AGBL4: variants seen among roughly 807,000 people sequenced by gnomAD.
AGBL4 encodes the protein cytosolic carboxypeptidase 6.
AGBL4 carries 58 observed loss-of-function variants against 66.4 expected under a neutral mutation model. The ratio of observed to expected loss-of-function variants is 0.87; its 90% confidence interval spans 0.71 to 1.09. The LOEUF (loss-of-function observed/expected upper bound fraction) is 1.09. Among genes scored for constraint, AGBL4 ranks in the 50% least tolerant of loss-of-function variants. AGBL4 has a pLI of 0.00. For missense variants in AGBL4, 579 were observed against 631.0 expected (o/e 0.92, Z 0.88); for synonymous variants, 234 against 222.9 (o/e 1.05, Z -0.44).
At chr1:49,460,026 G>T (rs1570768261) in intron 3 of AGBL4, among the ~76,000 whole-genome samples, 1 of 151,692 alleles carries the variant, frequency 6.6e-6, no homozygotes, top group Middle Eastern at 3.4e-3. Flanking sequence ...CTTGTTTTGT[G>T]CCCTATCATA....
rs139603253 is a variant in AGBL4 at position 48,735,450 on chromosome 1, G to A, written c.635-72209C>T. 2.0e-4 allele frequency among the ~76,000 whole-genome samples: 30 copies of A among 151,464 alleles called. No homozygotes were observed. The East Asian group carries it at 5.6e-3, about 28-fold the overall frequency. On this transcript the variant is annotated intron_variant, in intron 6 of 13. Transcript: ENST00000371839. ...AGGAGAAAGAAGAGAGGAGGAAGGA[G>A]AGAAAGTAGAGGAAGGAGGAAAGGA...
At chr1:49,615,356 T>C (rs763272493) in intron 3 of AGBL4, among the ~76,000 whole-genome samples, 4 of 152,102 alleles carry the variant, frequency 2.6e-5, no homozygotes, top group Non-Finnish European at 4.4e-5. Flanking sequence ...CAAAATGGTT[T>C]AAAAGAGCAC....
chr1:49,544,338 T>A (rs1652309536), intron 3 of AGBL4, among the ~76,000 whole-genome samples: 1 of 152,192 alleles, frequency 6.6e-6, no homozygotes, highest in South Asian at 2.1e-4. Context: ...TGTCCTTTTG[T>A]TTCCTTATTT....
At chr1:48,833,366 G>A (rs1646599960) in intron 6 of AGBL4, among the ~76,000 whole-genome samples, 1 of 152,178 alleles carries the variant, frequency 6.6e-6, no homozygotes, top group Non-Finnish European at 1.5e-5. Flanking sequence ...TTTGTGAAAG[G>A]TAGAACTTGC....
chr1:49,489,411 C>A (rs1053687163), intron 3 of AGBL4, among the ~76,000 whole-genome samples: 5 of 151,436 alleles, frequency 3.3e-5, no homozygotes, highest in African/African-American at 1.2e-4. Flanking sequence ...GTTGTTTTCC[C>A]TGCTTATATA....
chr1:49,905,516 C>A (rs1338081348), intron 1 of AGBL4, among the ~76,000 whole-genome samples: 5 of 152,190 alleles, frequency 3.3e-5, no homozygotes, highest in Non-Finnish European at 5.9e-5. Flanking sequence ...GAAAGGAAGT[C>A]AGCAGCAGCA....
chr1:49,687,428 C>G (rs912814775), intron 3 of AGBL4, among the ~76,000 whole-genome samples: 3 of 151,922 alleles, frequency 2.0e-5, no homozygotes, highest in African/African-American at 7.3e-5. Context: ...ATTATCAGTC[C>G]CCAGAAACTT....
intron 11 of AGBL4, among the ~76,000 whole-genome samples, chr1:48,560,397 C>T (rs1644379959): frequency 1.3e-5 from 2 of 152,108 alleles, no homozygotes; most frequent in African/African-American, 4.8e-5. Context: ...AATAGGTTGC[C>T]TAGGAGAAGG....
At chr1:48,931,776 T>C (rs779857230) in intron 5 of AGBL4, among the ~76,000 whole-genome samples, 1 of 152,196 alleles carries the variant, frequency 6.6e-6, no homozygotes, top group Non-Finnish European at 1.5e-5. Flanking sequence ...CCTGAAGTGC[T>C]GGGATTACAG....
intron 1 of AGBL4, among the ~76,000 whole-genome samples, chr1:49,985,296 A>T (rs1659409067): frequency 6.6e-6 from 1 of 152,208 alleles, no homozygotes; most frequent in South Asian, 2.1e-4. Context: ...TTAGAAACGA[A>T]TCCAAGAGGA....
intron 4 of AGBL4, among the ~76,000 whole-genome samples, chr1:49,065,501 T>A (rs1010035818): frequency 6.6e-6 from 1 of 152,196 alleles, no homozygotes; most frequent in Non-Finnish European, 1.5e-5. Context: ...AGGTTTCATG[T>A]GGGAATAATT....
intron 6 of AGBL4, among the ~76,000 whole-genome samples, chr1:48,863,746 C>A (rs1259816860): frequency 6.6e-6 from 1 of 151,818 alleles, no homozygotes; most frequent in Non-Finnish European, 1.5e-5. Flanking sequence ...AATGGGTTAT[C>A]CATACACACA....
At chr1:48,587,199 C>T (rs560086601) in intron 10 of AGBL4, 33 bp from the exon 11 acceptor site, 72 of 1,522,246 alleles carry the variant, frequency 4.7e-5, no homozygotes, top group East Asian at 7.4e-5. Flanking sequence ...GAGAGAATCA[C>T]GGCACCTGCT....
intron 2 of AGBL4, among the ~76,000 whole-genome samples, chr1:49,781,283 A>C (rs915316034): frequency 1.2e-4 from 18 of 152,226 alleles, no homozygotes; most frequent in African/African-American, 3.6e-4. Flanking sequence ...AATCCTAGCT[A>C]TTCAGGAGGC....
At chr1:48,584,322 G>A (rs981933461) in intron 11 of AGBL4, 1 of 151,922 alleles carries the variant, frequency 6.6e-6, no homozygotes, top group Non-Finnish European at 1.5e-5. Context: ...CAGCCCTAAG[G>A]GACCACTTAC....
At chr1:49,025,118 T>C (rs562933737) in intron 5 of AGBL4, among the ~76,000 whole-genome samples, 1 of 152,310 alleles carries the variant, frequency 6.6e-6, no homozygotes, top group African/African-American at 2.4e-5. Flanking sequence ...TACTAACTTA[T>C]GCACCTAATT....
chr1:48,827,256 G>C (rs1282236881), intron 6 of AGBL4, among the ~76,000 whole-genome samples: 6 of 152,170 alleles, frequency 3.9e-5, no homozygotes, highest in East Asian at 1.9e-4. Context: ...GACTAGAGCA[G>C]GTCTCGATAT....
intron 4 of AGBL4, among the ~76,000 whole-genome samples, chr1:49,178,259 G>C (rs138054813): frequency 6.6e-6 from 1 of 152,292 alleles, no homozygotes; most frequent in African/African-American, 2.4e-5. Context: ...ACATGCATTA[G>C]AGATAATGTC....
rs557861698 is a variant in AGBL4, at chr1:49,443,738, ATTGTT to A, written c.283-197879_283-197875del. The stretch of plus-strand genomic sequence containing the variant: ...TTCTTTCATTTTGGAGATCCTTTGT[ATTGTT>A]TTAAGACTCCATTTTATTTATATCT... On this transcript the variant is annotated intron_variant, in intron 3 of 13. Transcript: ENST00000371839. Among the ~76,000 whole-genome samples, 10 of 150,990 alleles carry A rather than the reference ATTGTT, an allele frequency of 6.6e-5. No homozygotes were observed. The South Asian group carries it at 1.7e-3, about 25-fold the overall frequency.
Sources: gnomAD v4.1 joint callset for allele counts (sites outside exome capture counted in the v4.1 genomes callset) on GRCh38, gnomAD v4.1.1 for gene constraint, MANE v1.5 for transcripts, NCBI Gene and HGNC (gene_info 2026-07-23, HGNC 2026-07-21) for gene names.